The following ITGA11 variants were observed in gnomAD, a reference collection of about 807,000 sequenced individuals.
ITGA11 encodes the protein integrin alpha-11.
A neutral mutation model predicts 141.9 loss-of-function variants in ITGA11; 97 were observed. The ratio of observed to expected loss-of-function variants is 0.68; its 90% CI spans 0.58 to 0.81. ITGA11 has a LOEUF of 0.81. Ranked by LOEUF, ITGA11 falls within the 30% of genes least tolerant of loss-of-function variation. The pLI is 0.00. For missense variants in ITGA11, 1,387 were observed against 1,559.2 expected, an observed-to-expected ratio of 0.89 and a Z score of 1.86; for synonymous variants, 658 against 624.6, an observed-to-expected ratio of 1.05 and a Z score of -0.80.
intron 7 of ITGA11, among the ~76,000 whole-genome samples, chr15:68,353,805 G>A (rs144765321): frequency 6.6e-6 from 1 of 152,106 alleles, no homozygotes; most frequent in Non-Finnish European, 1.5e-5. Context: ...AACCTGCACA[G>A]GTTCCTATTT....
chr15:68,377,131 G>T (rs1895748846), intron 2 of ITGA11, among the ~76,000 whole-genome samples: 1 of 151,990 alleles, frequency 6.6e-6, no homozygotes, highest in Non-Finnish European at 1.5e-5. Flanking sequence ...ACTTCTTTCG[G>T]TCATAAGAAA....
chr15:68,401,790 T>G (rs773182215), intron 2 of ITGA11, among the ~76,000 whole-genome samples: 14 of 152,102 alleles, frequency 9.2e-5, no homozygotes, highest in Non-Finnish European at 1.9e-4. Flanking sequence ...ATCATGGAAG[T>G]TCGTTAAGTT....
intron 1 of ITGA11, among the ~76,000 whole-genome samples, chr15:68,410,793 A>G (rs1234513980): frequency 6.6e-6 from 1 of 152,132 alleles, no homozygotes; most frequent in African/African-American, 2.4e-5. Context: ...AGTGCGATAG[A>G]GCAAGGGAGG....
chr15:68,399,885 C>G (rs563061171), intron 2 of ITGA11, among the ~76,000 whole-genome samples: 1 of 151,932 alleles, frequency 6.6e-6, no homozygotes, highest in African/African-American at 2.4e-5. Flanking sequence ...TCACTTGTAC[C>G]CCAAACCTCC....
In ITGA11 at chr15:68,307,447, T is replaced by C; in HGVS notation, c.3286-4A>G. 1 of 1,554,994 alleles carries C rather than the reference T, an allele frequency of 6.4e-7. No homozygotes were observed. The highest frequency in any genetic ancestry group is 8.7e-7 in the Non-Finnish European group (1 of 1,148,326). ...TTTTCATGGATTTGTACTTGAGCTG[T>C]GCAATCAGAGGGCTCGTCAGAAGCT... is the stretch of plus-strand genomic sequence containing the variant. On this transcript the variant is annotated splice_region_variant and splice_polypyrimidine_tract_variant and intron_variant, in intron 27 of 29. Transcript: ENST00000315757. This position sits in a 1 kb window ranked among gnomAD's most constrained non-coding sequence, Gnocchi z 6.1.
At chr15:68,357,674 T>C (rs114405027) in intron 6 of ITGA11, among the ~76,000 whole-genome samples, 3,480 of 151,810 alleles carry the variant, frequency 0.023, 55 homozygotes, top group South Asian at 0.035. Flanking sequence ...AAAACTGAGG[T>C]TCCTTAAAAC....
intron 11 of ITGA11, among the ~76,000 whole-genome samples, chr15:68,337,038 A>G (rs1469740987): frequency 3.3e-5 from 5 of 152,190 alleles, no homozygotes; most frequent in African/African-American, 1.2e-4. Context: ...AATCATAAAT[A>G]TATGGGTGGG....
chr15:68,332,696 T>G (rs565195930), intron 12 of ITGA11, among the ~76,000 whole-genome samples: 1 of 152,314 alleles, frequency 6.6e-6, no homozygotes, highest in South Asian at 2.1e-4. Context: ...CTCTTTTCCT[T>G]CTGTCATTAT....
chr15:68,386,632 C>T (rs772202205), intron 2 of ITGA11, among the ~76,000 whole-genome samples: 2 of 152,204 alleles, frequency 1.3e-5, no homozygotes, highest in Non-Finnish European at 2.9e-5. Context: ...AGGCTCCGGT[C>T]AGTTCTGCAG....
chr15:68,315,712 C>G lies in ITGA11; in HGVS notation c.2731G>C (p.Asp911His), dbSNP rs756190802. 6.2e-7 allele frequency: 1 copy of G among 1,612,376 alleles called. No homozygotes were observed. The highest frequency in any genetic ancestry group is 1.1e-5 in the South Asian group (1 of 90,750). The change falls in exon 22 of 30, where the codon GAT becomes CAT. Residue 911 changes from aspartate (D) to histidine (H), a missense_variant. Transcript: ENST00000315757. ...AAGATGGATTTGCTGAACTCAAAAT[C>G]AAGACGGAAAGCCACCTGCAAGGAA... ...RAKAKVAFRLDFEFSKSIFLH... is the reference protein window; with the variant it reads ...RAKAKVAFRLHFEFSKSIFLH...
At chr15:68,408,465 G>A (rs551997579) in intron 1 of ITGA11, among the ~76,000 whole-genome samples, 2 of 152,238 alleles carry the variant, frequency 1.3e-5, no homozygotes, top group South Asian at 4.1e-4. Context: ...TCATTGTTGG[G>A]TCTAGCACTT....
intron 1 of ITGA11, among the ~76,000 whole-genome samples, chr15:68,428,414 A>G (rs961449458): frequency 6.6e-6 from 1 of 152,092 alleles, no homozygotes; most frequent in Admixed American, 6.5e-5. Flanking sequence ...CCCTGTGTGG[A>G]TGGGCTGGGA....
chr15:68,358,344 C>T, intron 6 of ITGA11, 114 bp downstream of exon 6: 2 of 1,232,832 alleles, frequency 1.6e-6, no homozygotes, highest in Non-Finnish European at 2.2e-6. Flanking sequence ...TACCTCTGCC[C>T]TCTTACCTAC....
intron 1 of ITGA11, among the ~76,000 whole-genome samples, chr15:68,419,431 T>C (rs868559739): frequency 6.6e-6 from 1 of 152,208 alleles, no homozygotes; most frequent in African/African-American, 2.4e-5. Flanking sequence ...GTTCAGGCTC[T>C]GTTAAGGGCC....
chr15:68,412,694 G>A (rs1439259780), intron 1 of ITGA11, among the ~76,000 whole-genome samples: 1 of 29,214 alleles, frequency 3.4e-5, no homozygotes, highest in East Asian at 8.5e-4. Context: ...TTTTTTTTTT[G>A]AGACAGAGTC....
At chr15:68,362,626 A>T (rs996949607) in intron 4 of ITGA11, among the ~76,000 whole-genome samples, 1 of 152,046 alleles carries the variant, frequency 6.6e-6, no homozygotes, top group African/African-American at 2.4e-5. Flanking sequence ...AGATGGATGG[A>T]TGAATGATGT....
intron 2 of ITGA11, among the ~76,000 whole-genome samples, chr15:68,370,889 C>A (rs4776400): frequency 6.6e-6 from 1 of 152,018 alleles, no homozygotes. Flanking sequence ...GGCTGCATGG[C>A]ACTTAAGTGG....
At chr15:68,413,400 C>T (rs4238413) in intron 1 of ITGA11, among the ~76,000 whole-genome samples, 6,101 of 152,260 alleles carry the variant, frequency 0.04, 355 homozygotes, top group African/African-American at 0.13. Context: ...GTCTATGGAG[C>T]TCCAGGTTCC....
At chr15:68,313,989 C>G (rs543958930) in intron 22 of ITGA11, 121 bp from the exon 23 acceptor site, 2 of 704,936 alleles carry the variant, frequency 2.8e-6, no homozygotes, top group Admixed American at 4.9e-5. Context: ...GGGCACCAGA[C>G]AGGCCAGACA....
Sources: allele counts gnomAD v4.1 joint callset (sites outside exome capture counted in the v4.1 genomes callset), GRCh38; gene constraint gnomAD v4.1.1; non-coding constraint Gnocchi (gnomAD v3.1); transcripts MANE v1.5; gene names NCBI Gene and HGNC (gene_info 2026-07-23, HGNC 2026-07-21).